ARHGAP28: variants seen among roughly 807,000 people sequenced by gnomAD.
ARHGAP28 encodes Rho GTPase activating protein 28.
In ARHGAP28, 56 loss-of-function variants were observed where a neutral mutation model predicts 90.7. The ratio of observed to expected loss-of-function variants is 0.62; its 90% CI spans 0.50 to 0.77. The LOEUF is 0.77. Ranked by LOEUF, ARHGAP28 falls within the 30% of genes least tolerant of loss-of-function variation. The pLI is 0.00. For synonymous variants in ARHGAP28, 308 were observed against 323.3 expected, an observed-to-expected ratio of 0.95 and a Z score of 0.51; for missense variants, 869 against 900.9, an observed-to-expected ratio of 0.96 and a Z score of 0.45.
intron 17 of ARHGAP28, among the ~76,000 whole-genome samples, chr18:6,910,364 G>A (rs375059894): frequency 6.6e-6 from 1 of 152,120 alleles, no homozygotes; most frequent in Non-Finnish European, 1.5e-5. Context: ...CTTCCTTGGC[G>A]AGCTCAATCC....
At chr18:6,879,495 C>T (rs1426840053) in intron 10 of ARHGAP28, among the ~76,000 whole-genome samples, 1 of 152,202 alleles carries the variant, frequency 6.6e-6, no homozygotes, top group African/African-American at 2.4e-5. Context: ...TGCTCCCCAT[C>T]TTTGGCAAGG....
intron 1 of ARHGAP28, among the ~76,000 whole-genome samples, chr18:6,820,523 T>G (rs1455803412): frequency 6.6e-6 from 1 of 152,102 alleles, no homozygotes; most frequent in Non-Finnish European, 1.5e-5. Context: ...GTGGATATAT[T>G]CCAAAATTGA....
At chr18:6,859,036 T>C (rs989906591) in intron 4 of ARHGAP28, among the ~76,000 whole-genome samples, 3 of 152,014 alleles carry the variant, frequency 2.0e-5, no homozygotes, top group African/African-American at 7.2e-5. Context: ...AGTGGCACCA[T>C]ACTACACTGC....
intron 6 of ARHGAP28, among the ~76,000 whole-genome samples, chr18:6,868,615 C>A (rs1405089527): frequency 6.6e-6 from 1 of 152,028 alleles, no homozygotes. Flanking sequence ...CAGCTTGCCC[C>A]CTGACAAGGC....
chr18:6,731,199 G>T (rs1289441753), intron 1 of ARHGAP28, among the ~76,000 whole-genome samples: 1 of 152,084 alleles, frequency 6.6e-6, no homozygotes, highest in African/African-American at 2.4e-5. Context: ...ATATAAACTG[G>T]CATTTGTCTT....
intron 7 of ARHGAP28, among the ~76,000 whole-genome samples, chr18:6,872,376 C>T (rs1488210669): frequency 6.6e-6 from 1 of 152,208 alleles, no homozygotes; most frequent in Non-Finnish European, 1.5e-5. Context: ...CCCCAAGCCA[C>T]ATCCTATATT....
At chr18:6,861,475 G>A (rs570184286) in intron 5 of ARHGAP28, among the ~76,000 whole-genome samples, 2 of 152,266 alleles carry the variant, frequency 1.3e-5, no homozygotes, top group East Asian at 1.9e-4. Flanking sequence ...TACAGCCTGC[G>A]GTGGTTCTCC....
intron 1 of ARHGAP28, among the ~76,000 whole-genome samples, chr18:6,732,988 AAG>A (rs1491504797): frequency 2.6e-5 from 4 of 152,178 alleles, no homozygotes; most frequent in African/African-American, 9.7e-5. Flanking sequence ...AAGAAAAAAA[AAG>A]GGGGCCATTT....
At chr18:6,819,838 A>G (rs1327036812) in intron 1 of ARHGAP28, among the ~76,000 whole-genome samples, 1 of 152,188 alleles carries the variant, frequency 6.6e-6, no homozygotes, top group Non-Finnish European at 1.5e-5. Flanking sequence ...GATAAATGAA[A>G]ACTAATGTAA....
chr18:6,912,351 CT>C lies in ARHGAP28; in HGVS notation c.*207del, dbSNP rs369023260. On this transcript the variant is annotated 3_prime_UTR_variant, in exon 18 of 18. Transcript: ENST00000383472. ...CAATTCAACTGAAGCTTTCTCATGACTTTTTTTTTTATAAAAGTAAAGGAAA... is the reference window on the plus strand; with the variant it reads ...CAATTCAACTGAAGCTTTCTCATGACTTTTTTTTTATAAAAGTAAAGGAAA... 5.1e-3 allele frequency: 1,675 copies of C among 327,234 alleles called. No individual in the cohort carries two copies. The highest frequency in any genetic ancestry group is 7.9e-3 in the Middle Eastern group (9 of 1,136). The allele number at this position is 327,234 out of a possible 1,614,324, so 20.3% of individuals were successfully genotyped here. A position where few individuals can be genotyped will look rare whatever the true frequency, so the allele number is the denominator to read the frequency against.
intron 1 of ARHGAP28, among the ~76,000 whole-genome samples, chr18:6,786,504 G>A (rs1225312050): frequency 1.3e-5 from 2 of 152,106 alleles, no homozygotes; most frequent in African/African-American, 4.8e-5. Context: ...TCTTCTCCCA[G>A]CATTCGGGCT....
In ARHGAP28 at chr18:6,879,401, T is replaced by A. The variant is rs78154004; in HGVS notation, c.1291-2736T>A. Among the ~76,000 whole-genome samples, 931 of 152,220 alleles carry A rather than the reference T, an allele frequency of 6.1e-3. 16 individuals carry two copies. The highest frequency in any genetic ancestry group is 0.021 in the African/African-American group (875 of 41,532). The stretch of plus-strand genomic sequence containing the variant: ...CCTCCAAAATAGAGGCACATTGCAT[T>A]TTTGCTGAAGGGAGATTTAATGACA... On this transcript the variant is annotated intron_variant, in intron 10 of 17. Coordinates refer to ENST00000383472, the MANE Select transcript of ARHGAP28 (RefSeq NM_001366230.1).
intron 1 of ARHGAP28, among the ~76,000 whole-genome samples, chr18:6,813,562 T>A (rs776180059): frequency 6.6e-6 from 1 of 152,196 alleles, no homozygotes; most frequent in Non-Finnish European, 1.5e-5. Flanking sequence ...ATAGTAAAAA[T>A]ATACTCAATT....
intron 2 of ARHGAP28, among the ~76,000 whole-genome samples, chr18:6,827,524 G>C (rs1342614574): frequency 6.3e-5 from 9 of 143,618 alleles, no homozygotes; most frequent in East Asian, 2.1e-4. Context: ...CGGACGGGGC[G>C]GCTGACCGGG....
chr18:6,841,203 C>CTCCTCTCTCTCTCTCTCCTCTCTCT (rs754874496), intron 3 of ARHGAP28, among the ~76,000 whole-genome samples: 1 of 41,972 alleles, frequency 2.4e-5, no homozygotes, highest in African/African-American at 1.2e-4. Context: ...CTCTCTCTCT[C>CTCCTCTCTCTCTCTCTCCTCTCTCT]CTCTCCTCTC....
At chr18:6,841,725 A>G (rs1312989684) in intron 3 of ARHGAP28, among the ~76,000 whole-genome samples, 1 of 152,046 alleles carries the variant, frequency 6.6e-6, no homozygotes, top group Non-Finnish European at 1.5e-5. Context: ...CTGTTCCTTT[A>G]CATAACAGAT....
chr18:6,758,830 G>C (rs2056135121), intron 1 of ARHGAP28, among the ~76,000 whole-genome samples: 1 of 152,124 alleles, frequency 6.6e-6, no homozygotes, highest in Non-Finnish European at 1.5e-5. Flanking sequence ...TCTTCAATTA[G>C]AGAAGATCAA....
At chr18:6,770,752 G>C (rs913722089) in intron 1 of ARHGAP28, among the ~76,000 whole-genome samples, 1 of 152,114 alleles carries the variant, frequency 6.6e-6, no homozygotes. Context: ...CCCTTGGGCA[G>C]CTGAGTGAAG....
chr18:6,754,512 C>T (rs901218904), intron 1 of ARHGAP28, among the ~76,000 whole-genome samples: 1 of 152,152 alleles, frequency 6.6e-6, no homozygotes. Flanking sequence ...CTCCCTGATA[C>T]TAATTCACCG....
Sources: allele counts gnomAD v4.1 joint callset (sites outside exome capture counted in the v4.1 genomes callset), GRCh38; gene constraint gnomAD v4.1.1; transcripts MANE v1.5; gene names NCBI Gene and HGNC (gene_info 2026-07-23, HGNC 2026-07-21).